Variants in BOD1L1 observed in about 807,000 individuals in gnomAD.
The protein encoded by BOD1L1 is biorientation of chromosomes in cell division 1 like 1.
BOD1L1 carries 86 observed loss-of-function variants against 240.7 expected under a neutral mutation model. That is an observed-to-expected ratio of 0.36 (90% CI 0.30 to 0.43). BOD1L1 has a LOEUF of 0.43. Ranked by LOEUF, BOD1L1 falls within the 20% of genes least tolerant of loss-of-function variation. The probability of loss-of-function intolerance (pLI) is 1.00; values close to 1 mark genes in which losing one functional copy is unlikely to be tolerated. For missense variants in BOD1L1, 3,554 were observed against 3,643.5 expected (o/e 0.98, Z 0.63); for synonymous variants, 1,268 against 1,272.3 (o/e 1.00, Z 0.07).
At position 13,582,221 on chromosome 4, in the gene BOD1L1, G is replaced by A. The variant is rs376375766; in HGVS notation, c.8592+16C>T. 1.0e-4 allele frequency: 167 copies of A among 1,600,606 alleles called. No individual in the cohort carries two copies. In the Middle Eastern group the frequency reaches 1.3e-3, roughly 13 times the overall value. On this transcript the variant is annotated intron_variant, in intron 19 of 25. Transcript: ENST00000040738. ...TAAATAATTGTGAACAAACAAATAC[G>A]AAAAGCACATCTCACCTCCTGAGAT... is the stretch of plus-strand genomic sequence containing the variant.
chr4:13,581,674 T>A (rs1713240115), intron 19 of BOD1L1, among the ~76,000 whole-genome samples: 1 of 152,180 alleles, frequency 6.6e-6, no homozygotes, highest in Admixed American at 6.5e-5. Context: ...TGTCTCTTGA[T>A]TTATGGTGCT....
At chr4:13,577,880 G>T in intron 22 of BOD1L1, 1 of 332,004 alleles carries the variant, frequency 3.0e-6, no homozygotes, top group Non-Finnish European at 5.4e-6. Flanking sequence ...TTTTTCAGCT[G>T]CAAAATAAGA....
At position 13,604,839 on chromosome 4, in the gene BOD1L1, G is replaced by A. The variant is rs756140605; in HGVS notation, c.2061C>T (p.Thr687=). 17 of 1,611,314 alleles carry A rather than the reference G, an allele frequency of 1.1e-5. No homozygotes were observed. Among genetic ancestry groups the A allele is most frequent in the Admixed American group, 1.0e-4 (6 of 59,544 alleles). The change falls in exon 10 of 26, where the codon ACC becomes ACT. Residue 687 remains threonine, a synonymous_variant. Coordinates refer to ENST00000040738, the MANE Select transcript of BOD1L1 (RefSeq NM_148894.3). The part of the protein sequence containing the change: ...KRQVERSEIC[T]EEPQKQKSTL... ...TGCTTTTCTGTTTCTGGGGCTCTTC[G>A]GTGCAAATTTCTGAGCGTTCTACTT... is the stretch of plus-strand genomic sequence containing the variant.
At chr4:13,573,774 T>C (rs545629929) in intron 25 of BOD1L1, among the ~76,000 whole-genome samples, 1 of 152,180 alleles carries the variant, frequency 6.6e-6, no homozygotes. Flanking sequence ...GCCACCAGCC[T>C]TGGACTCCCA....
At chr4:13,588,139 G>A (rs1195681796) in intron 15 of BOD1L1, among the ~76,000 whole-genome samples, 8 of 143,440 alleles carry the variant, frequency 5.6e-5, no homozygotes, top group African/African-American at 1.3e-4. Context: ...AGTGAGAAGC[G>A]TTCACACCAC....
chr4:13,570,566 A>G (rs546535451), intron 25 of BOD1L1, among the ~76,000 whole-genome samples: 2 of 152,358 alleles, frequency 1.3e-5, no homozygotes, highest in Admixed American at 6.5e-5. Flanking sequence ...GTTTCGTAGC[A>G]CAGTATTACA....
Position 13,608,598 on chromosome 4 carries a change from T to A in BOD1L1, c.1674A>T (p.Glu558Asp). Residue 558 changes from glutamate (E) to aspartate (D), a missense_variant, in exon 8 of 26, where the codon GAA becomes GAT. By Grantham distance (45) the Glu-to-Asp change is conservative. Coordinates refer to ENST00000040738, the MANE Select transcript of BOD1L1 (RefSeq NM_148894.3). ...CTAAAACTTTCCGTTCTTTAAGGAC[T>A]TCTTTAATTCTGGCGGCTTTAGGTT... ...SLEPKAARIK[E>D]VLKERKVLEK... 6.4e-7 allele frequency: 1 copy of A among 1,560,188 alleles called. No homozygotes were observed. The highest frequency in any genetic ancestry group is 1.2e-5 in the South Asian group (1 of 82,322).
intron 2 of BOD1L1, among the ~76,000 whole-genome samples, chr4:13,617,394 T>C (rs1489091221): frequency 2.0e-5 from 3 of 152,220 alleles, no homozygotes; most frequent in Non-Finnish European, 4.4e-5. Context: ...GCTTTAGTCC[T>C]TTCTCACACA....
intron 8 of BOD1L1, 105 bp from the exon 9 acceptor site, chr4:13,607,294 T>A (rs1715786857): frequency 4.5e-6 from 2 of 441,928 alleles, no homozygotes; most frequent in Non-Finnish European, 7.1e-6. Context: ...TTTATTTATC[T>A]TATTTTATTA....
intron 18 of BOD1L1, 144 bp from the exon 19 acceptor site, chr4:13,582,454 G>C (rs1438729561): frequency 1.4e-6 from 1 of 737,204 alleles, no homozygotes; most frequent in Non-Finnish European, 2.2e-6. Flanking sequence ...ACAAGCCTGA[G>C]TTTGGGTGAC....
intron 14 of BOD1L1, among the ~76,000 whole-genome samples, chr4:13,589,882 T>C (rs1714057400): frequency 6.6e-6 from 1 of 152,162 alleles, no homozygotes; most frequent in African/African-American, 2.4e-5. Flanking sequence ...ATTAACAAAA[T>C]TAGTAGGCAT....
At chr4:13,595,434 A>ATT (rs1714541321) in intron 12 of BOD1L1, among the ~76,000 whole-genome samples, 2 of 152,350 alleles carry the variant, frequency 1.3e-5, no homozygotes, top group South Asian at 4.1e-4. Flanking sequence ...TGAGAGCAGT[A>ATT]TCTGTGCAGC....
chr4:13,586,614 A>G, intron 16 of BOD1L1, 139 bp from the exon 17 acceptor site: 1 of 497,398 alleles, frequency 2.0e-6, no homozygotes, highest in Non-Finnish European at 3.5e-6. Flanking sequence ...CTATATTTAT[A>G]ATATCATGTG....
At position 13,604,862 on chromosome 4, in the gene BOD1L1, C is replaced by A. The variant is rs773322091; in HGVS notation, c.2038G>T (p.Val680Leu). ...TCGGTGCAAATTTCTGAGCGTTCTACTTGCCTTTTTACATCTCTTGTGTCA... is the reference window on the plus strand; with the variant it reads ...TCGGTGCAAATTTCTGAGCGTTCTAATTGCCTTTTTACATCTCTTGTGTCA... ...ETDTRDVKRQVERSEICTEEP... is the reference protein window; with the variant it reads ...ETDTRDVKRQLERSEICTEEP... Residue 680 changes from valine to leucine, a missense_variant, in exon 10 of 26, where the codon GTA (valine) becomes TTA (leucine). This residue lies in a region of BOD1L1 where 3,393 missense variants were observed against 3,427.1 expected (regional missense o/e 0.99). Transcript: ENST00000040738. 3 of 1,612,266 alleles carry A rather than the reference C, an allele frequency of 1.9e-6. No homozygotes were observed. The East Asian group carries it at 6.7e-5, about 36-fold the overall frequency.
Position 13,611,153 on chromosome 4 carries a change from A to G in BOD1L1, c.1325-53T>C, listed in dbSNP as rs1716139164. The G allele has an allele frequency of 6.7e-6, 9 of 1,333,780 alleles. No homozygotes were observed. In the Admixed American group the frequency reaches 1.9e-4, roughly 28 times the overall value. The allele number at this position is 1,333,780 out of a possible 1,614,324, so 82.6% of individuals were successfully genotyped here. On this transcript the variant is annotated intron_variant, in intron 5 of 25. Coordinates refer to ENST00000040738, the MANE Select transcript of BOD1L1 (RefSeq NM_148894.3). ...TATGTCTGTGAATTAGCATAAAATCAACATTATGCTGTACAAGCAGTAAAG... is the reference window on the plus strand; with the variant it reads ...TATGTCTGTGAATTAGCATAAAATCGACATTATGCTGTACAAGCAGTAAAG...
At position 13,600,972 on chromosome 4, in the gene BOD1L1, C is replaced by G. The variant is rs778520205; in HGVS notation, c.5928G>C (p.Glu1976Asp). The G allele has an allele frequency of 1.9e-6, 3 of 1,614,018 alleles. No homozygotes were observed. The highest frequency in any genetic ancestry group is 1.3e-5 in the African/African-American group (1 of 75,038). ...CAGATGCAGCACTAGTCATAGGACC[C>G]TCACAACCTCCTGGAACTGGTGTCA... is the stretch of plus-strand genomic sequence containing the variant. ...DEVTPVPGGCEGPMTSAASDQ... is the reference protein window; with the variant it reads ...DEVTPVPGGCDGPMTSAASDQ... The change falls in exon 10 of 26, where the codon GAG (glutamate) becomes GAC (aspartate). Residue 1976 changes from glutamate to aspartate, a missense_variant. By Grantham distance (45) the Glu-to-Asp change is conservative. This residue lies in a region of BOD1L1 where 3,393 missense variants were observed against 3,427.1 expected (regional missense o/e 0.99). Coordinates refer to ENST00000040738, the MANE Select transcript of BOD1L1 (RefSeq NM_148894.3).
rs1366796149 is a variant in BOD1L1, at chr4:13,619,960, A to T, written c.351T>A (p.Ile117=). 6.2e-7 allele frequency: 1 copy of T among 1,613,350 alleles called. No homozygotes were observed. The change falls in exon 2 of 26, where the codon ATT becomes ATA. Residue 117 remains isoleucine, a synonymous_variant. Transcript: ENST00000040738. ...HLNKNQLRNN[I]RQQVLKSGML... is the part of the protein sequence containing the mutation. Reference sequence around the variant, plus strand: ...AGACTTACTTGAGGACTTGTTGTCTAATGTTGTTTCTTAGCTGGTTCTTAT... The same window carrying T: ...AGACTTACTTGAGGACTTGTTGTCTTATGTTGTTTCTTAGCTGGTTCTTAT...
At chr4:13,572,195 G>A (rs1033939609) in intron 25 of BOD1L1, among the ~76,000 whole-genome samples, 5 of 152,192 alleles carry the variant, frequency 3.3e-5, no homozygotes, top group African/African-American at 1.2e-4. Context: ...GGACGGAAAG[G>A]ATCTGACTTA....
At chr4:13,589,394 G>A (rs1713997772) in intron 14 of BOD1L1, among the ~76,000 whole-genome samples, 1 of 152,182 alleles carries the variant, frequency 6.6e-6, no homozygotes, top group African/African-American at 2.4e-5. Flanking sequence ...ATACCTACAT[G>A]TGCAAAATAA....
Sources: gnomAD v4.1 joint callset for allele counts (sites outside exome capture counted in the v4.1 genomes callset) on GRCh38, gnomAD v4.1.1 for gene constraint, gnomAD v4.1.1 regional missense constraint, MANE v1.5 for transcripts, NCBI Gene and HGNC (gene_info 2026-07-23, HGNC 2026-07-21) for gene names.